Variants in PLEKHG2 observed in about 807,000 individuals in gnomAD.
PLEKHG2 encodes the protein pleckstrin homology domain-containing family G member 2.
A neutral mutation model predicts 104.4 loss-of-function variants in PLEKHG2; 71 were observed. That is an observed-to-expected ratio of 0.68 (90% CI 0.56 to 0.83). The LOEUF (loss-of-function observed/expected upper bound fraction) is 0.83. PLEKHG2 is among the 40% of genes least tolerant of loss of function. The pLI is 0.00. For missense variants in PLEKHG2, 1,730 were observed against 1,809.4 expected, an observed-to-expected ratio of 0.96 and a Z score of 0.80; for synonymous variants, 728 against 737.0, an observed-to-expected ratio of 0.99 and a Z score of 0.20.
At position 39,423,796 on chromosome 19, in the gene PLEKHG2, A is replaced by G. The variant is rs754708310; in HGVS notation, c.2663A>G (p.Gln888Arg). 4.3e-6 allele frequency: 7 copies of G among 1,614,194 alleles called. No homozygotes were observed. The highest frequency in any genetic ancestry group is 5.9e-6 in the Non-Finnish European group (7 of 1,180,034). ...CTGGCCTTCCCACTGACATGTGCCC[A>G]GGAGTCTGTCCCCCTGGGTCCTGCT... The part of the protein sequence containing the change: ...CELAFPLTCA[Q>R]ESVPLGPAVW... Residue 888 changes from glutamine (Q) to arginine (R), a missense_variant, in exon 19 of 19, where the codon CAG (glutamine) becomes CGG (arginine). Coordinates refer to ENST00000425673, the MANE Select transcript of PLEKHG2 (RefSeq NM_022835.3).
chr19:39,421,253 C>T (rs988822806), intron 15 of PLEKHG2, 30 bp from the exon 16 acceptor site: 6 of 1,613,612 alleles, frequency 3.7e-6, no homozygotes, highest in Non-Finnish European at 5.1e-6. Flanking sequence ...CTCACTAATG[C>T]TTCTCTCTCT....
chr19:39,425,090 G>C lies in PLEKHG2; in HGVS notation c.3957G>C (p.Pro1319=). The C allele has an allele frequency of 1.9e-6, 3 of 1,583,870 alleles. No individual in the cohort carries two copies. The highest frequency in any genetic ancestry group is 2.6e-6 in the Non-Finnish European group (3 of 1,165,664). ...CTCCCACGTCACGGGCATCTTCGCC[G>C]CCCCCCCAGCCCCAGCCACCACCTC... ...SSAPTSRASS[P]PPQPQPPPPP... is the part of the protein sequence containing the mutation. The change falls in exon 19 of 19, where the codon CCG becomes CCC. Residue 1319 remains proline (P), a synonymous_variant. Transcript: ENST00000425673.
In PLEKHG2 at chr19:39,414,135, C is replaced by G. The variant is rs2078563592; in HGVS notation, c.49C>G (p.Leu17Val). The stretch of plus-strand genomic sequence containing the variant: ...GAGCCTCTCCAAACCTAGCCCAAGC[C>G]TCGGGTGTGGCCGAAGAGGTGAAGT... ...GLSLSKPSPSLGCGRRGEVCD... is the reference protein window; with the variant it reads ...GLSLSKPSPSVGCGRRGEVCD... Residue 17 changes from leucine (L) to valine (V), a missense_variant, in exon 2 of 19, where the codon CTC (leucine) becomes GTC (valine). Physicochemically the swap from Leu to Val is conservative, Grantham distance 32 (BLOSUM62 1). Coordinates refer to ENST00000425673, the MANE Select transcript of PLEKHG2 (RefSeq NM_022835.3). 3 of 1,551,588 alleles carry G rather than the reference C, an allele frequency of 1.9e-6. No homozygotes were observed.
At position 39,412,794 on chromosome 19, in the gene PLEKHG2, C is replaced by T. The variant is rs988053652; in HGVS notation, c.-641C>T. The T allele has an allele frequency of 2.6e-5, 4 of 152,324 alleles. No homozygotes were observed. Among genetic ancestry groups the T allele is most frequent in the Admixed American group, 6.5e-5 (1 of 15,308 alleles). The allele number at this position is 152,324 out of a possible 1,614,324, so 9.4% of individuals were successfully genotyped here. ...ATCCTGAGAGACCCCGAGGTCCAGA[C>T]CCCGGCGCCCAGGCTGGAGGACTTG... On this transcript the variant is annotated 5_prime_UTR_variant, in exon 1 of 19. Coordinates refer to ENST00000425673, the MANE Select transcript of PLEKHG2 (RefSeq NM_022835.3).
chr19:39,424,574 C>T lies in PLEKHG2; in HGVS notation c.3441C>T (p.Pro1147=). ...AGGTTCCAGCTACCACACCTTTGCCCCTGCCACAAGTCCTCACAGACATCT... is the reference window on the plus strand; with the variant it reads ...AGGTTCCAGCTACCACACCTTTGCCTCTGCCACAAGTCCTCACAGACATCT... ...DTQVPATTPL[P]LPQVLTDIWV... The change falls in exon 19 of 19, where the codon CCC becomes CCT. Residue 1147 remains proline, a synonymous_variant. Coordinates refer to ENST00000425673, the MANE Select transcript of PLEKHG2 (RefSeq NM_022835.3). 1 of 1,614,136 alleles carries T rather than the reference C, an allele frequency of 6.2e-7. No individual in the cohort carries two copies. The highest frequency in any genetic ancestry group is 1.1e-5 in the South Asian group (1 of 91,082).
At chr19:39,417,423 G>A (rs998843227) in intron 7 of PLEKHG2, 132 bp from the exon 8 acceptor site, 1 of 1,210,952 alleles carries the variant, frequency 8.3e-7, no homozygotes, top group Admixed American at 2.6e-5. Context: ...AAAGTGCTGG[G>A]ATTACAGACA....
rs2078776202 is a variant in PLEKHG2 at position 39,425,861 on chromosome 19, CCATCTTCCAATCCAT to C, written c.*573_*587del. 6.4e-6 allele frequency: 1 copy of C among 155,462 alleles called. No homozygotes were observed. The highest frequency in any genetic ancestry group is 2.0e-4 in the South Asian group (1 of 4,880). 9.6% of individuals were successfully genotyped at this position (155,462 alleles called of 1,614,324 possible). A position where few individuals can be genotyped will look rare whatever the true frequency, so the allele number is the denominator to read the frequency against. On this transcript the variant is annotated 3_prime_UTR_variant, in exon 19 of 19. Transcript: ENST00000425673. ...CATCTAGCTTTCCCGCTCCATCTAC[CCATCTTCCAATCCAT>C]CATCTCACGTATCTGCCTTGCTTAT... is the stretch of plus-strand genomic sequence containing the variant.
chr19:39,422,609 G>C (rs551975369), intron 17 of PLEKHG2, 123 bp from the exon 18 acceptor site: 21 of 1,256,494 alleles, frequency 1.7e-5, no homozygotes, highest in Non-Finnish European at 2.2e-5. Context: ...GGCTGGTCTC[G>C]AACTCGTAAC....
Position 39,426,469 on chromosome 19 carries a change from A to G in PLEKHG2, c.*1175A>G, listed in dbSNP as rs542733442. 5.3e-5 allele frequency: 8 copies of G among 152,238 alleles called. No homozygotes were observed. The highest frequency in any genetic ancestry group is 1.2e-4 in the Non-Finnish European group (8 of 68,050). The allele number at this position is 152,238 out of a possible 1,614,324, so 9.4% of individuals were successfully genotyped here. ...AGTGGTATGCCCAGTGAGAGGCACA[A>G]TTTAAACGGTTTCTTTGGTGATGAT... On this transcript the variant is annotated 3_prime_UTR_variant, in exon 19 of 19. Coordinates refer to ENST00000425673, the MANE Select transcript of PLEKHG2 (RefSeq NM_022835.3).
In PLEKHG2 at chr19:39,423,774, G is replaced by A. The variant is rs1010266816; in HGVS notation, c.2641G>A (p.Ala881Thr). The A allele has an allele frequency of 6.2e-7, 1 of 1,613,918 alleles. No individual in the cohort carries two copies. Among genetic ancestry groups the A allele is most frequent in the Non-Finnish European group, 8.5e-7 (1 of 1,179,844 alleles). Residue 881 changes from alanine (A) to threonine (T), a missense_variant, in exon 19 of 19, where the codon GCC (alanine) becomes ACC (threonine). Coordinates refer to ENST00000425673, the MANE Select transcript of PLEKHG2 (RefSeq NM_022835.3). ...TGGACACGTGCTGGTATGTGAGCTG[G>A]CCTTCCCACTGACATGTGCCCAGGA... Reference protein sequence around the residue: ...AFGHVLVCELAFPLTCAQESV... With the variant: ...AFGHVLVCELTFPLTCAQESV...
At chr19:39,418,338 G>A (rs62119736) in intron 9 of PLEKHG2, among the ~76,000 whole-genome samples, 26,544 of 152,138 alleles carry the variant, frequency 0.17, 2,349 homozygotes, top group Middle Eastern at 0.23. Context: ...GAGCACTTTG[G>A]GAGGTCAAGG....
Position 39,413,968 on chromosome 19 carries a change from T to G in PLEKHG2, c.-22-97T>G. 1 of 805,880 alleles carries G rather than the reference T, an allele frequency of 1.2e-6. No homozygotes were observed. The highest frequency in any genetic ancestry group is 1.9e-6 in the Non-Finnish European group (1 of 517,538). 49.9% of individuals were successfully genotyped at this position (805,880 alleles called of 1,614,324 possible). A position where few individuals can be genotyped will look rare whatever the true frequency, so the allele number is the denominator to read the frequency against. ...TTACTCCCAGGGGCCCCTCCCTGGA[T>G]TTACACCACGCTCCTAATTCCCAGC... On this transcript the variant is annotated intron_variant, in intron 1 of 18. Transcript: ENST00000425673. This position sits in a 1 kb window ranked among gnomAD's most constrained non-coding sequence, Gnocchi z 4.5.
At position 39,420,305 on chromosome 19, in the gene PLEKHG2, G is replaced by A. The variant is rs191789625; in HGVS notation, c.1264-321G>A. Among the ~76,000 whole-genome samples the A allele has an allele frequency of 1.6e-3, 245 of 151,754 alleles. 3 individuals carry two copies. Among genetic ancestry groups the A allele is most frequent in the Non-Finnish European group, 2.5e-3 (172 of 67,982 alleles). ...ACCCAGGAGGCAGAGGGTGCAGTGA[G>A]CCGAAATCGCGCCTTTGCACTCCAA... On this transcript the variant is annotated intron_variant, in intron 11 of 18. Transcript: ENST00000425673.
In PLEKHG2 at chr19:39,423,793, C is replaced by T; in HGVS notation, c.2660C>T (p.Ala887Val). 8 of 1,614,200 alleles carry T rather than the reference C, an allele frequency of 5.0e-6. No individual in the cohort carries two copies. The South Asian group carries it at 8.8e-5, about 18-fold the overall frequency. ...VCELAFPLTC[A>V]QESVPLGPAV... ...GAGCTGGCCTTCCCACTGACATGTG[C>T]CCAGGAGTCTGTCCCCCTGGGTCCT... The change falls in exon 19 of 19, where the codon GCC (alanine) becomes GTC (valine). Residue 887 changes from alanine to valine, a missense_variant. Transcript: ENST00000425673.
intron 11 of PLEKHG2, among the ~76,000 whole-genome samples, chr19:39,419,496 C>T (rs553036038): frequency 2.0e-5 from 3 of 152,324 alleles, no homozygotes; most frequent in Non-Finnish European, 4.4e-5. Flanking sequence ...AATCCCAACA[C>T]TTTGGGAGAC....
chr19:39,420,793 C>G lies in PLEKHG2; in HGVS notation c.1340C>G (p.Pro447Arg). 4 of 1,614,206 alleles carry G rather than the reference C, an allele frequency of 2.5e-6. No individual in the cohort carries two copies. The highest frequency in any genetic ancestry group is 1.7e-6 in the Non-Finnish European group (2 of 1,180,036). The change falls in exon 13 of 19, where the codon CCA becomes CGA. Residue 447 changes from proline to arginine, a missense_variant. By Grantham distance (103) the Pro-to-Arg change is moderately radical. Transcript: ENST00000425673. ...CCTGTCCTAGAGCCCCTGACACCCC[C>G]ACTTGGGTCTCCTCGACCTCGAGAT... ...SKPVLEPLTP[P>R]LGSPRPRDAR... is the part of the protein sequence containing the mutation.
At position 39,424,457 on chromosome 19, in the gene PLEKHG2, T is replaced by C. The variant is rs560255011; in HGVS notation, c.3324T>C (p.Gly1108=). The part of the protein sequence containing the change: ...PCHLPDLQIP[G]TSPLPAHGSH... ...ACCTCCCAGACCTTCAGATTCCAGG[T>C]ACCTCACCTTTGCCTGCACATGGAA... The change falls in exon 19 of 19, where the codon GGT becomes GGC. Residue 1108 remains glycine (G), a synonymous_variant. Coordinates refer to ENST00000425673, the MANE Select transcript of PLEKHG2 (RefSeq NM_022835.3). 216 of 1,613,958 alleles carry C rather than the reference T, an allele frequency of 1.3e-4. 1 individual carries two copies. In the South Asian group the frequency reaches 2.2e-3, roughly 16 times the overall value.
chr19:39,416,429 G>C lies in PLEKHG2; in HGVS notation c.546+15G>C. 3 of 1,613,034 alleles carry C rather than the reference G, an allele frequency of 1.9e-6. No individual in the cohort carries two copies. Among genetic ancestry groups the C allele is most frequent in the South Asian group, 1.1e-5 (1 of 91,052 alleles). The stretch of plus-strand genomic sequence containing the variant: ...TCGTGCAGAGGGTGAGTGGAGGGGT[G>C]GGGGGCTCTCGGTCCTGGATGGGGC... On this transcript the variant is annotated intron_variant, in intron 5 of 18. Transcript: ENST00000425673. This position sits in a 1 kb window ranked among gnomAD's most constrained non-coding sequence, Gnocchi z 4.5.
chr19:39,425,795 C>T lies in PLEKHG2; in HGVS notation c.*501C>T, dbSNP rs1025181725. 1 of 167,144 alleles carries T rather than the reference C, an allele frequency of 6.0e-6. No individual in the cohort carries two copies. The highest frequency in any genetic ancestry group is 2.4e-5 in the African/African-American group (1 of 42,102). The allele number at this position is 167,144 out of a possible 1,614,324, so 10.4% of individuals were successfully genotyped here. On this transcript the variant is annotated 3_prime_UTR_variant, in exon 19 of 19. Coordinates refer to ENST00000425673, the MANE Select transcript of PLEKHG2 (RefSeq NM_022835.3). Reference sequence around the variant, plus strand: ...GTCTCCCACCATCCGTTCATCTCACCCACCCTGCCATCTCTCCACCTATCC... The same window carrying T: ...GTCTCCCACCATCCGTTCATCTCACTCACCCTGCCATCTCTCCACCTATCC...
Sources: gnomAD v4.1 joint callset for allele counts (sites outside exome capture counted in the v4.1 genomes callset) on GRCh38, gnomAD v4.1.1 for gene constraint, Gnocchi (gnomAD v3.1) non-coding constraint, MANE v1.5 for transcripts, NCBI Gene and HGNC (gene_info 2026-07-23, HGNC 2026-07-21) for gene names.